ANKFN1: variants seen among roughly 807,000 people sequenced by gnomAD.
The protein encoded by ANKFN1 is ankyrin repeat and fibronectin type III domain containing 1, also known as ankyrin repeat and fibronectin type-III domain-containing protein 1.
In ANKFN1, 74 loss-of-function variants were observed where a neutral mutation model predicts 108.7. That is an observed-to-expected ratio of 0.68 (90% confidence interval 0.56 to 0.83). The LOEUF is 0.83. Among genes scored for constraint, ANKFN1 ranks in the 40% least tolerant of loss-of-function variants. The pLI is 0.00. For missense variants in ANKFN1, 1,505 were observed against 1,382.3 expected (o/e 1.09, Z -1.41); for synonymous variants, 547 against 516.2 (o/e 1.06, Z -0.81).
intron 3 of ANKFN1, among the ~76,000 whole-genome samples, chr17:56,309,063 C>G (rs1490451920): frequency 6.6e-6 from 1 of 152,062 alleles, no homozygotes; most frequent in African/African-American, 2.4e-5. Flanking sequence ...AAGATAATAT[C>G]AGGTTTATAA....
At chr17:56,299,828 A>G (rs2044622449) in intron 3 of ANKFN1, among the ~76,000 whole-genome samples, 1 of 152,212 alleles carries the variant, frequency 6.6e-6, no homozygotes, top group Admixed American at 6.5e-5. Context: ...TTGTGATTCA[A>G]ATAGTACATT....
rs185389071 is a variant in ANKFN1 at position 56,403,088 on chromosome 17, A to C, written c.910+28374A>C. Among the ~76,000 whole-genome samples, 7 of 152,236 alleles carry C rather than the reference A, an allele frequency of 4.6e-5. 1 individual carries two copies. The East Asian group carries it at 1.4e-3, about 29-fold the overall frequency. ...CTTGATATAATTTCAATTTTCTTAAATTTATTAAGGCTCATTTTATGGCCT... is the reference window on the plus strand; with the variant it reads ...CTTGATATAATTTCAATTTTCTTAACTTTATTAAGGCTCATTTTATGGCCT... On this transcript the variant is annotated intron_variant, in intron 8 of 20. Coordinates refer to ENST00000682825, the MANE Select transcript of ANKFN1 (RefSeq NM_001370326.1).
chr17:56,350,981 T>C lies in ANKFN1; in HGVS notation c.390+14T>C, dbSNP rs2046233953. ...AAGACCTCGGTGGTAACAAAACTGT[T>C]TTTATTCTTGTGTCAGTTTGATTTA... is the stretch of plus-strand genomic sequence containing the variant. On this transcript the variant is annotated intron_variant, in intron 5 of 20. Coordinates refer to ENST00000682825, the MANE Select transcript of ANKFN1 (RefSeq NM_001370326.1). 1 of 1,610,972 alleles carries C rather than the reference T, an allele frequency of 6.2e-7. No individual in the cohort carries two copies. Among genetic ancestry groups the C allele is most frequent in the Non-Finnish European group, 8.5e-7 (1 of 1,178,200 alleles).
intron 8 of ANKFN1, among the ~76,000 whole-genome samples, chr17:56,380,722 G>A (rs1346833342): frequency 3.3e-5 from 5 of 152,222 alleles, no homozygotes; most frequent in African/African-American, 4.8e-5. Context: ...AGGCAGCAGC[G>A]AGGCCGGGGG....
chr17:56,110,155 C>T (rs368465780), intron 4 of ANKFN1, among the ~76,000 whole-genome samples: 43 of 152,324 alleles, frequency 2.8e-4, no homozygotes, highest in East Asian at 2.7e-3. Flanking sequence ...TGCCTGAAAG[C>T]GGTCCAGCCT....
At chr17:56,148,851 A>C (rs1908424251), upstream of ANKFN1, among the ~76,000 whole-genome samples, 4 of 152,180 alleles carry the variant, frequency 2.6e-5, no homozygotes. Context: ...ATTTGTGGAG[A>C]GTAATGTTAA....
chr17:56,143,917 G>A (rs1908076916), intron 4 of ANKFN1, among the ~76,000 whole-genome samples: 1 of 152,078 alleles, frequency 6.6e-6, no homozygotes, highest in African/African-American at 2.4e-5. Context: ...GCTGACGCCT[G>A]GATTTCAGAC....
intron 8 of ANKFN1, among the ~76,000 whole-genome samples, chr17:56,410,154 C>T (rs1467258446): frequency 2.6e-5 from 4 of 152,258 alleles, no homozygotes; most frequent in African/African-American, 4.8e-5. Context: ...GGCGCTATCT[C>T]GGCTCACTGC....
In ANKFN1 at chr17:56,480,791, T is replaced by G; in HGVS notation, c.2064T>G (p.Leu688=). 1 of 1,613,914 alleles carries G rather than the reference T, an allele frequency of 6.2e-7. No homozygotes were observed. Among genetic ancestry groups the G allele is most frequent in the South Asian group, 1.1e-5 (1 of 91,072 alleles). The change falls in exon 17 of 21, where the codon CTT becomes CTG. Residue 688 remains leucine, a synonymous_variant. Coordinates refer to ENST00000682825, the MANE Select transcript of ANKFN1 (RefSeq NM_001370326.1). ...YELQMAVKAL[L]QQINIPLHQA... ...TCCAGATGGCAGTGAAAGCTCTCCT[T>G]CAGCAGATCAATATACCTCTACACC...
rs192961419 is a variant in ANKFN1 at position 56,316,662 on chromosome 17, A to C, written c.54-9559A>C. ...AGAAGAATTGACAAAAAACAAAAAA[A>C]TCTCATTTTGACTGGCACTCAGGAG... On this transcript the variant is annotated intron_variant, in intron 3 of 20. Coordinates refer to ENST00000682825, the MANE Select transcript of ANKFN1 (RefSeq NM_001370326.1). Among the ~76,000 whole-genome samples the C allele has an allele frequency of 7.1e-3, 1,083 of 152,246 alleles. 18 individuals are homozygous for C. Among genetic ancestry groups the C allele is most frequent in the African/African-American group, 0.025 (1,028 of 41,518 alleles).
At chr17:56,271,561 C>T (rs1438995198) in intron 3 of ANKFN1, among the ~76,000 whole-genome samples, 1 of 152,154 alleles carries the variant, frequency 6.6e-6, no homozygotes, top group Admixed American at 6.6e-5. Context: ...TAGAAGAACC[C>T]CATTTCTGTC....
intron 3 of ANKFN1, among the ~76,000 whole-genome samples, chr17:56,298,007 A>T (rs2044562472): frequency 6.6e-6 from 1 of 152,218 alleles, no homozygotes; most frequent in Admixed American, 6.5e-5. Context: ...AGAGCAGTGG[A>T]TCTCAGAGTG....
chr17:56,224,414 A>G (rs1916102681), intron 2 of ANKFN1, among the ~76,000 whole-genome samples: 1 of 152,216 alleles, frequency 6.6e-6, no homozygotes, highest in African/African-American at 2.4e-5. Context: ...AACATTCATA[A>G]TCTTGAACAT....
At chr17:56,332,210 A>T (rs566689274) in intron 4 of ANKFN1, among the ~76,000 whole-genome samples, 14 of 152,188 alleles carry the variant, frequency 9.2e-5, no homozygotes, top group African/African-American at 3.4e-4. Flanking sequence ...TCTCCCTGAG[A>T]CAGCTGGTAG....
At chr17:56,098,884 T>C (rs1188141200) in intron 4 of ANKFN1, among the ~76,000 whole-genome samples, 1 of 151,188 alleles carries the variant, frequency 6.6e-6, no homozygotes, top group Non-Finnish European at 1.5e-5. Flanking sequence ...TGTGTGTGTG[T>C]TGGGTGCTAG....
chr17:56,286,848 T>C (rs76006572), intron 3 of ANKFN1, among the ~76,000 whole-genome samples: 15,125 of 152,048 alleles, frequency 0.099, 1,671 homozygotes, highest in African/African-American at 0.27. Context: ...AACATACACA[T>C]GTATGTATAC....
rs1315048690 is a variant in ANKFN1 at position 56,055,583 on chromosome 17, ATATATG to A, written c.288+9264_288+9269del. Among the ~76,000 whole-genome samples the A allele has an allele frequency of 3.8e-3, 426 of 112,790 alleles. 63 individuals are homozygous for A. In the South Asian group the frequency reaches 0.046, roughly 12 times the overall value. 74.0% of individuals were successfully genotyped at this position (112,790 alleles called of 152,430 possible). A position where few individuals can be genotyped will look rare whatever the true frequency, so the allele number is the denominator to read the frequency against. ...TATATATACATATATATATATATAT[ATATATG>A]TATATATACACATTTTTTTATCCAG... On this transcript the variant is annotated intron_variant, in intron 4 of 12. Transcript: ENST00000635860.
chr17:56,446,083 A>C (rs2145186401), intron 10 of ANKFN1, among the ~76,000 whole-genome samples: 1 of 152,264 alleles, frequency 6.6e-6, no homozygotes, highest in African/African-American at 2.4e-5. Flanking sequence ...CTTTCCAAAA[A>C]CCTTGGCATT....
intron 19 of ANKFN1, among the ~76,000 whole-genome samples, chr17:56,498,297 C>T (rs1193216656): frequency 7.2e-5 from 11 of 152,092 alleles, no homozygotes; most frequent in Non-Finnish European, 1.5e-5. Flanking sequence ...CAAAAATATT[C>T]CAGTAGAGCT....
Sources: gnomAD v4.1 joint callset for allele counts (sites outside exome capture counted in the v4.1 genomes callset) on GRCh38, gnomAD v4.1.1 for gene constraint, MANE v1.5 for transcripts, NCBI Gene and HGNC (gene_info 2026-07-23, HGNC 2026-07-21) for gene names.